ZNF385D: variants seen among roughly 807,000 people sequenced by gnomAD.
ZNF385D encodes zinc finger protein 385D.
ZNF385D carries 15 observed loss-of-function variants against 35.8 expected under a neutral mutation model. That is an observed-to-expected ratio of 0.42 (90% CI 0.28 to 0.64). The LOEUF (loss-of-function observed/expected upper bound fraction) is 0.64. Among genes scored for constraint, ZNF385D ranks in the 30% least tolerant of loss-of-function variants. The pLI is 0.23. For synonymous variants in ZNF385D, 212 were observed against 186.8 expected (o/e 1.13, Z -1.10); for missense variants, 474 against 494.6 (o/e 0.96, Z 0.39).
intron 4 of ZNF385D, among the ~76,000 whole-genome samples, chr3:21,501,849 C>A (rs1363778437): frequency 2.0e-5 from 3 of 152,170 alleles, no homozygotes; most frequent in Non-Finnish European, 4.4e-5. Flanking sequence ...CATCTGCAGA[C>A]AAAGCTACTG....
At position 21,858,781 on chromosome 3, in the gene ZNF385D, C is replaced by A. The variant is rs112106103; in HGVS notation, c.326-193753G>T. ...CATGTTCCCGAATTTTATAGTTCTA[C>A]ATAAGTTCTCCACGTAACTCCTCCA... On this transcript the variant is annotated intron_variant, in intron 3 of 5. Coordinates refer to the ZNF385D transcript ENST00000494108. 6.1e-3 allele frequency among the ~76,000 whole-genome samples: 932 copies of A among 152,218 alleles called. 10 individuals are homozygous for A. Among genetic ancestry groups the A allele is most frequent in the African/African-American group, 0.022 (905 of 41,562 alleles).
chr3:21,778,232 T>G (rs1277831213), intron 3 of ZNF385D, among the ~76,000 whole-genome samples: 2 of 151,950 alleles, frequency 1.3e-5, no homozygotes, highest in African/African-American at 2.4e-5. Context: ...TTACCACTTC[T>G]GAGACGTGCC....
At chr3:21,831,846 C>CA (rs1440845686) in intron 3 of ZNF385D, among the ~76,000 whole-genome samples, 2 of 152,120 alleles carry the variant, frequency 1.3e-5, no homozygotes, top group Non-Finnish European at 2.9e-5. Context: ...TTTAAAATTA[C>CA]ATGACTTTGT....
chr3:21,937,362 C>A (rs1198725586), intron 3 of ZNF385D, among the ~76,000 whole-genome samples: 3 of 152,082 alleles, frequency 2.0e-5, no homozygotes, highest in African/African-American at 7.2e-5. Flanking sequence ...ACAATAATGC[C>A]AATGACTTTT....
At chr3:22,043,704 G>A (rs1559328459) in intron 3 of ZNF385D, among the ~76,000 whole-genome samples, 1 of 151,338 alleles carries the variant, frequency 6.6e-6, no homozygotes, top group Non-Finnish European at 1.5e-5. Context: ...CCTTGTTGCA[G>A]CCTCACCTCA....
intron 3 of ZNF385D, among the ~76,000 whole-genome samples, chr3:22,038,591 A>C (rs1325657778): frequency 6.6e-6 from 1 of 152,220 alleles, no homozygotes; most frequent in Non-Finnish European, 1.5e-5. Flanking sequence ...CACAGTTTGA[A>C]ACACAGTCCT....
intron 3 of ZNF385D, among the ~76,000 whole-genome samples, chr3:21,792,424 T>C (rs988418648): frequency 6.6e-6 from 1 of 152,216 alleles, no homozygotes; most frequent in African/African-American, 2.4e-5. Flanking sequence ...TATTGGAAGA[T>C]AGCCACACCT....
chr3:22,297,465 G>T (rs554528676), intron 2 of ZNF385D, among the ~76,000 whole-genome samples: 1 of 152,172 alleles, frequency 6.6e-6, no homozygotes, highest in South Asian at 2.1e-4. Flanking sequence ...GTCTATAAAG[G>T]GACAAGCCCC....
intron 3 of ZNF385D, among the ~76,000 whole-genome samples, chr3:21,946,490 A>G (rs887364958): frequency 6.6e-6 from 1 of 152,220 alleles, no homozygotes; most frequent in Non-Finnish European, 1.5e-5. Context: ...ATTTTTAAGT[A>G]GAATGTTCTT....
intron 3 of ZNF385D, among the ~76,000 whole-genome samples, chr3:22,164,939 C>A (rs1343542359): frequency 6.6e-6 from 1 of 152,074 alleles, no homozygotes; most frequent in African/African-American, 2.4e-5. Context: ...GTATGTAATT[C>A]AAACTTTATG....
intron 3 of ZNF385D, among the ~76,000 whole-genome samples, chr3:21,961,851 GA>G (rs1484567735): frequency 6.6e-6 from 1 of 152,070 alleles, no homozygotes; most frequent in East Asian, 1.9e-4. Context: ...AACATTTGCA[GA>G]AGTTGAGATA....
At chr3:21,472,947 G>GT (rs1291913748) in intron 4 of ZNF385D, among the ~76,000 whole-genome samples, 10 of 151,852 alleles carry the variant, frequency 6.6e-5, no homozygotes, top group Admixed American at 3.9e-4. Flanking sequence ...TTTGTCTAGA[G>GT]TTTTTTTTCA....
At chr3:21,764,815 C>T (rs1018024134) in intron 3 of ZNF385D, among the ~76,000 whole-genome samples, 4 of 152,162 alleles carry the variant, frequency 2.6e-5, no homozygotes, top group Admixed American at 6.6e-5. Flanking sequence ...GAGGAAAATA[C>T]CATAAGTTTT....
chr3:21,759,894 A>G (rs1483411199), intron 3 of ZNF385D, among the ~76,000 whole-genome samples: 1 of 152,168 alleles, frequency 6.6e-6, no homozygotes, highest in Non-Finnish European at 1.5e-5. Flanking sequence ...AACTATCTAG[A>G]GTGAGCAGAG....
chr3:21,670,971 T>C (rs1200257237), intron 1 of ZNF385D, among the ~76,000 whole-genome samples: 1 of 152,042 alleles, frequency 6.6e-6, no homozygotes, highest in Non-Finnish European at 1.5e-5. Context: ...GTGAAGGTTT[T>C]TGTGTCCTCT....
intron 2 of ZNF385D, among the ~76,000 whole-genome samples, chr3:22,263,108 C>G (rs552603880): frequency 6.6e-6 from 1 of 152,094 alleles, no homozygotes; most frequent in East Asian, 1.9e-4. Flanking sequence ...CTCTTTAGCT[C>G]CTTTCTTGGC....
At chr3:21,820,764 TA>T (rs1482959143) in intron 3 of ZNF385D, among the ~76,000 whole-genome samples, 1 of 150,408 alleles carries the variant, frequency 6.6e-6, no homozygotes, top group East Asian at 2.0e-4. Context: ...CAACTTCTAT[TA>T]AAAGAAAAAC....
chr3:22,244,247 A>G (rs1699646200), intron 2 of ZNF385D, among the ~76,000 whole-genome samples: 1 of 149,924 alleles, frequency 6.7e-6, no homozygotes, highest in Non-Finnish European at 1.5e-5. Context: ...TTGTTTTGTT[A>G]TAACAGCCTT....
chr3:22,214,670 C>T (rs1379119812), intron 2 of ZNF385D, among the ~76,000 whole-genome samples: 1 of 151,988 alleles, frequency 6.6e-6, no homozygotes, highest in African/African-American at 2.4e-5. Flanking sequence ...GCCCCAGTCT[C>T]CCATAGCGCT....
Sources: allele counts gnomAD v4.1 joint callset (sites outside exome capture counted in the v4.1 genomes callset), GRCh38; gene constraint gnomAD v4.1.1; transcripts MANE v1.5; gene names NCBI Gene and HGNC (gene_info 2026-07-23, HGNC 2026-07-21).